Variants in ANXA4 observed in about 807,000 individuals in gnomAD.
ANXA4 encodes 35-beta calcimedin.
A neutral mutation model predicts 49.8 loss-of-function variants in ANXA4; 39 were observed. That is an observed-to-expected ratio of 0.78 (90% confidence interval 0.61 to 1.02). The LOEUF (loss-of-function observed/expected upper bound fraction) is 1.02. Ranked by LOEUF, ANXA4 falls within the 50% of genes least tolerant of loss-of-function variation. The probability of loss-of-function intolerance (pLI) is 0.00; values close to 1 mark genes in which losing one functional copy is unlikely to be tolerated. For synonymous variants in ANXA4, 134 were observed against 152.5 expected, an observed-to-expected ratio of 0.88 and a Z score of 0.89; for missense variants, 360 against 410.1, an observed-to-expected ratio of 0.88 and a Z score of 1.05.
intron 3 of ANXA4, among the ~76,000 whole-genome samples, chr2:69,799,478 AT>A (rs1455872583): frequency 6.6e-6 from 1 of 151,968 alleles, no homozygotes; most frequent in African/African-American, 2.4e-5. Context: ...AAGAGAAGTG[AT>A]TTTTTTTAAC....
chr2:69,706,790 A>G (rs1678513905), intron 2 of ANXA4, among the ~76,000 whole-genome samples: 1 of 152,202 alleles, frequency 6.6e-6, no homozygotes, highest in South Asian at 2.1e-4. Context: ...TGTGTTTTCA[A>G]GGTTCCTCTA....
At chr2:69,717,598 C>G (rs1486462845) in intron 2 of ANXA4, among the ~76,000 whole-genome samples, 1 of 152,222 alleles carries the variant, frequency 6.6e-6, no homozygotes, top group Non-Finnish European at 1.5e-5. Flanking sequence ...TTACCCGTCG[C>G]TGCATCTTTC....
intron 1 of ANXA4, among the ~76,000 whole-genome samples, chr2:69,771,094 C>CA (rs1169928879): frequency 0.1 from 4,133 of 41,434 alleles, 265 homozygotes; most frequent in Admixed American, 0.28. Flanking sequence ...ACCCTGTCTC[C>CA]AAAAAAAAAA....
chr2:69,773,621 C>CTTTTTTTTTTTTTTTTTTTTTTTTCTTTT (rs67161210), intron 1 of ANXA4, among the ~76,000 whole-genome samples: 1 of 93,056 alleles, frequency 1.1e-5, no homozygotes, highest in East Asian at 4.0e-4. Context: ...TTCTTTCCTT[C>CTTTTTTTTTTTTTTTTTTTTTTTTCTTTT]TTTTTTTTTT....
At chr2:69,672,307 G>A (rs905919820) in intron 2 of ANXA4, among the ~76,000 whole-genome samples, 1 of 150,244 alleles carries the variant, frequency 6.7e-6, no homozygotes, top group Non-Finnish European at 1.5e-5. Context: ...TCTCGGCTCA[G>A]TGCAACCTCT....
At chr2:69,771,032 T>C (rs1475750068) in intron 1 of ANXA4, among the ~76,000 whole-genome samples, 1 of 134,824 alleles carries the variant, frequency 7.4e-6, no homozygotes, top group African/African-American at 2.9e-5. Flanking sequence ...AGTTCGAGGC[T>C]GAAGTGAGCT....
At chr2:69,680,254 T>G (rs976180430) in intron 2 of ANXA4, among the ~76,000 whole-genome samples, 2 of 152,224 alleles carry the variant, frequency 1.3e-5, no homozygotes, top group Admixed American at 1.3e-4. Flanking sequence ...GTCATTTCTC[T>G]TTTGTAGCTA....
chr2:69,747,729 A>G (rs1670669024), intron 1 of ANXA4, among the ~76,000 whole-genome samples: 1 of 152,206 alleles, frequency 6.6e-6, no homozygotes, highest in African/African-American at 2.4e-5. Flanking sequence ...TCTGTAGTCC[A>G]GCCTGGAGTG....
intron 2 of ANXA4, among the ~76,000 whole-genome samples, chr2:69,700,767 G>A (rs1350253336): frequency 1.3e-5 from 2 of 152,222 alleles, no homozygotes; most frequent in African/African-American, 4.8e-5. Context: ...AGATTTTGCT[G>A]TTACAGCTAT....
At chr2:69,782,032 C>T (rs1159358617) in intron 2 of ANXA4, among the ~76,000 whole-genome samples, 1 of 152,054 alleles carries the variant, frequency 6.6e-6, no homozygotes. Context: ...TAATCAGACA[C>T]CTTGGACCTT....
chr2:69,732,061 A>G (rs1189665304), intron 3 of ANXA4, among the ~76,000 whole-genome samples: 7 of 143,034 alleles, frequency 4.9e-5, no homozygotes, highest in African/African-American at 2.0e-4. Flanking sequence ...ACTCACTGCA[A>G]ACTCCTCCTG....
chr2:69,685,293 T>A (rs1677748467), intron 2 of ANXA4, among the ~76,000 whole-genome samples: 1 of 152,196 alleles, frequency 6.6e-6, no homozygotes, highest in African/African-American at 2.4e-5. Flanking sequence ...ACCAGCCCAG[T>A]ACCTCAGGGA....
chr2:69,697,687 C>T (rs575713228), intron 2 of ANXA4, among the ~76,000 whole-genome samples: 1 of 152,208 alleles, frequency 6.6e-6, no homozygotes, highest in South Asian at 2.1e-4. Flanking sequence ...ACTGAGAGGC[C>T]ATCGTAGGGT....
chr2:69,680,022 T>G (rs1167368136), intron 2 of ANXA4, among the ~76,000 whole-genome samples: 1 of 152,206 alleles, frequency 6.6e-6, no homozygotes, highest in African/African-American at 2.4e-5. Flanking sequence ...TTTAGGATTT[T>G]TTCCCCTATT....
intron 4 of ANXA4, among the ~76,000 whole-genome samples, 167 bp downstream of exon 4, chr2:69,804,794 C>T (rs1673370125): frequency 6.6e-6 from 1 of 151,952 alleles, no homozygotes; most frequent in African/African-American, 2.4e-5. Flanking sequence ...ACCTGTAATC[C>T]CAGCACTTTG....
intron 1 of ANXA4, among the ~76,000 whole-genome samples, chr2:69,780,613 G>A (rs901857171): frequency 2.6e-5 from 4 of 152,076 alleles, no homozygotes; most frequent in Admixed American, 6.6e-5. Context: ...CAGGTGGTTC[G>A]CACCTGTAGT....
At chr2:69,656,277 GTATA>G (rs1306210204) in intron 2 of ANXA4, among the ~76,000 whole-genome samples, 1 of 117,338 alleles carries the variant, frequency 8.5e-6, no homozygotes, top group Non-Finnish European at 1.7e-5. Context: ...ATGTATATAC[GTATA>G]TATATACATA....
At chr2:69,780,459 G>T (rs1672149831) in intron 1 of ANXA4, among the ~76,000 whole-genome samples, 1 of 152,174 alleles carries the variant, frequency 6.6e-6, no homozygotes, top group Non-Finnish European at 1.5e-5. Flanking sequence ...GCCTCCTAAA[G>T]TGCTGGGATT....
intron 2 of ANXA4, among the ~76,000 whole-genome samples, chr2:69,656,274 T>G (rs1266971516): frequency 7.3e-6 from 1 of 137,716 alleles, no homozygotes; most frequent in Non-Finnish European, 1.5e-5. Flanking sequence ...TATATGTATA[T>G]ACGTATATAT....
Sources: allele counts gnomAD v4.1 joint callset (sites outside exome capture counted in the v4.1 genomes callset), GRCh38; gene constraint gnomAD v4.1.1; transcripts MANE v1.5; gene names NCBI Gene and HGNC (gene_info 2026-07-23, HGNC 2026-07-21).